PPM1H: variants seen among roughly 807,000 people sequenced by gnomAD.
PPM1H encodes the protein protein phosphatase, Mg2+/Mn2+ dependent 1H, also known as protein phosphatase 1H.
Under a neutral mutation model 54.9 loss-of-function variants are expected in PPM1H, and 27 were observed. That is an observed-to-expected ratio of 0.49 (90% CI 0.36 to 0.68). The LOEUF (loss-of-function observed/expected upper bound fraction) is 0.68, where lower values mean the gene tolerates loss of function less well. Ranked by LOEUF, PPM1H falls within the 30% of genes least tolerant of loss-of-function variation. The pLI is 0.00. For synonymous variants in PPM1H, 305 were observed against 270.8 expected (o/e 1.13, Z -1.24); for missense variants, 596 against 667.8 (o/e 0.89, Z 1.19).
intron 1 of PPM1H, among the ~76,000 whole-genome samples, chr12:62,879,189 C>G (rs1870301601): frequency 6.6e-6 from 1 of 152,214 alleles, no homozygotes; most frequent in Admixed American, 6.5e-5. Context: ...TCGCTATTTT[C>G]CTTCTCTATC....
chr12:62,745,872 G>T (rs1455156942), intron 4 of PPM1H, among the ~76,000 whole-genome samples: 1 of 152,120 alleles, frequency 6.6e-6, no homozygotes, highest in Non-Finnish European at 1.5e-5. Context: ...TTTGATTGAA[G>T]GTTAGATCTT....
chr12:62,814,798 C>G (rs879786792), intron 2 of PPM1H, among the ~76,000 whole-genome samples: 1 of 152,122 alleles, frequency 6.6e-6, no homozygotes, highest in Non-Finnish European at 1.5e-5. Context: ...CACTTTCTAC[C>G]CCGTCTCTCC....
intron 2 of PPM1H, among the ~76,000 whole-genome samples, chr12:62,815,420 T>C (rs906394141): frequency 2.6e-5 from 4 of 152,238 alleles, no homozygotes; most frequent in African/African-American, 9.6e-5. Context: ...AAAACATTAA[T>C]TTATAAAAGG....
chr12:62,708,129 T>C (rs1186484105), intron 6 of PPM1H, among the ~76,000 whole-genome samples: 1 of 152,264 alleles, frequency 6.6e-6, no homozygotes, highest in Non-Finnish European at 1.5e-5. Flanking sequence ...CTGGCATCTT[T>C]GTTATCAGCC....
intron 2 of PPM1H, among the ~76,000 whole-genome samples, chr12:62,813,147 A>C (rs1052801726): frequency 1.3e-5 from 2 of 152,140 alleles, no homozygotes; most frequent in South Asian, 2.1e-4. Context: ...TTTCCTGTGG[A>C]GACCAACAGA....
At chr12:62,860,492 T>C (rs957248044) in intron 1 of PPM1H, among the ~76,000 whole-genome samples, 4 of 152,194 alleles carry the variant, frequency 2.6e-5, no homozygotes. Flanking sequence ...CAAAGCTCTA[T>C]GTCATCTAAA....
chr12:62,789,617 G>A (rs1006209462), intron 3 of PPM1H, among the ~76,000 whole-genome samples: 15 of 152,152 alleles, frequency 9.9e-5, no homozygotes, highest in African/African-American at 3.1e-4. Context: ...TCTACGTCAC[G>A]TAGTGTGCTG....
intron 1 of PPM1H, among the ~76,000 whole-genome samples, chr12:62,915,303 G>T (rs2121150345): frequency 6.6e-6 from 1 of 152,338 alleles, no homozygotes; most frequent in Admixed American, 6.5e-5. Flanking sequence ...TGTGGTGAGT[G>T]CCTGCAGCGC....
chr12:62,840,066 AGAGAGAGAGAGAGAGAGAGCGAG>A, intron 1 of PPM1H: 1 of 146,870 alleles, frequency 6.8e-6, no homozygotes. Context: ...AGAGAGAGAG[AGAGAGAGAGAGAGAGAGAGCGAG>A]AGAAATAAAA....
At chr12:62,698,309 A>T (rs1293924163) in intron 6 of PPM1H, among the ~76,000 whole-genome samples, 2 of 152,198 alleles carry the variant, frequency 1.3e-5, no homozygotes, top group Non-Finnish European at 2.9e-5. Context: ...ATTCCATTGG[A>T]GAACAGCTCT....
intron 5 of PPM1H, among the ~76,000 whole-genome samples, chr12:62,732,558 GT>G (rs781291252): frequency 6.7e-6 from 1 of 149,860 alleles, no homozygotes. Flanking sequence ...GGACCCAGAA[GT>G]TTTTTTTTGT....
chr12:62,765,755 T>G (rs528873645), intron 4 of PPM1H, among the ~76,000 whole-genome samples: 1 of 151,336 alleles, frequency 6.6e-6, no homozygotes. Context: ...GATGGAGGAG[T>G]CAGGGAAGAC....
chr12:62,816,021 G>C (rs549435057), intron 2 of PPM1H, among the ~76,000 whole-genome samples: 1 of 152,132 alleles, frequency 6.6e-6, no homozygotes, highest in Non-Finnish European at 1.5e-5. Context: ...CATATCAAAA[G>C]AGAAATCATA....
At chr12:62,690,423 C>T (rs1346498674) in intron 7 of PPM1H, among the ~76,000 whole-genome samples, 1 of 152,136 alleles carries the variant, frequency 6.6e-6, no homozygotes, top group Non-Finnish European at 1.5e-5. Context: ...TCCACAAATT[C>T]CCTCTGGGTG....
intron 1 of PPM1H, among the ~76,000 whole-genome samples, chr12:62,911,504 C>T (rs117180367): frequency 6.6e-6 from 1 of 152,186 alleles, no homozygotes; most frequent in Non-Finnish European, 1.5e-5. Flanking sequence ...CTGACAAGTC[C>T]GTTTGGAGAT....
At chr12:62,652,717 G>C (rs933639009) in intron 9 of PPM1H, among the ~76,000 whole-genome samples, 2 of 152,080 alleles carry the variant, frequency 1.3e-5, no homozygotes, top group African/African-American at 4.8e-5. Context: ...AAGGACCTTA[G>C]AATGCCTTCT....
intron 1 of PPM1H, among the ~76,000 whole-genome samples, chr12:62,906,341 A>G (rs77756600): frequency 1.3e-5 from 2 of 152,332 alleles, no homozygotes; most frequent in East Asian, 1.9e-4. Flanking sequence ...AACAGCTTTA[A>G]GTATGTTTTA....
intron 1 of PPM1H, among the ~76,000 whole-genome samples, chr12:62,922,128 G>A (rs1871818949): frequency 6.6e-6 from 1 of 152,114 alleles, no homozygotes; most frequent in South Asian, 2.1e-4. Context: ...ACTTAGGAAC[G>A]CACATATAGT....
intron 6 of PPM1H, among the ~76,000 whole-genome samples, chr12:62,719,726 A>G (rs1018298330): frequency 1.3e-5 from 2 of 152,202 alleles, no homozygotes; most frequent in African/African-American, 4.8e-5. Flanking sequence ...CACTTTATCC[A>G]TGGAAAAATG....
Sources: gnomAD v4.1 joint callset for allele counts (sites outside exome capture counted in the v4.1 genomes callset) on GRCh38, gnomAD v4.1.1 for gene constraint, MANE v1.5 for transcripts, NCBI Gene and HGNC (gene_info 2026-07-23, HGNC 2026-07-21) for gene names.